GORASP2: variants seen among roughly 807,000 people sequenced by gnomAD.
The protein encoded by GORASP2 is Golgi reassembly-stacking protein 2.
Under a neutral mutation model 45.7 loss-of-function variants are expected in GORASP2, and 22 were observed. The observed-to-expected ratio is 0.48, with a 90% CI of 0.34 to 0.69. GORASP2 has a LOEUF of 0.69. Among genes scored for constraint, GORASP2 ranks in the 30% least tolerant of loss-of-function variants. The pLI is 0.01. For synonymous variants in GORASP2, 221 were observed against 215.6 expected, an observed-to-expected ratio of 1.02 and a Z score of -0.22; for missense variants, 491 against 562.7, an observed-to-expected ratio of 0.87 and a Z score of 1.29.
intron 1 of GORASP2, among the ~76,000 whole-genome samples, chr2:170,946,940 C>CA (rs1030353606): frequency 7.9e-5 from 12 of 151,904 alleles, no homozygotes; most frequent in Non-Finnish European, 1.5e-4. Flanking sequence ...ACTCTTGTCT[C>CA]AAAAAATAAA....
In GORASP2 at chr2:170,929,435, G is replaced by A. The variant is rs1575464610; in HGVS notation, c.63+32G>A. 4 of 1,344,644 alleles carry A rather than the reference G, an allele frequency of 3.0e-6. No individual in the cohort carries two copies. The East Asian group carries it at 9.1e-5, about 31-fold the overall frequency. The allele number at this position is 1,344,644 out of a possible 1,614,324, so 83.3% of individuals were successfully genotyped here. A position where few individuals can be genotyped will look rare whatever the true frequency, so the allele number is the denominator to read the frequency against. ...GCTCCGACGGCGGCCGGGGAGCTGC[G>A]GGCTGGAGGCGGGGCCGGCCGCGGG... On this transcript the variant is annotated intron_variant, in intron 1 of 9. Coordinates refer to ENST00000234160, the MANE Select transcript of GORASP2 (RefSeq NM_015530.5).
intron 1 of GORASP2, among the ~76,000 whole-genome samples, chr2:170,947,692 A>G (rs951222172): frequency 7.9e-5 from 12 of 152,148 alleles, no homozygotes; most frequent in Non-Finnish European, 1.6e-4. Context: ...TCAAGGAATA[A>G]TTGCTTGAAT....
Position 170,936,224 on chromosome 2 carries a change from C to CTTTTTT in GORASP2, c.63+6836_63+6841dup, listed in dbSNP as rs3079542. On this transcript the variant is annotated intron_variant, in intron 1 of 9. Coordinates refer to ENST00000234160, the MANE Select transcript of GORASP2 (RefSeq NM_015530.5). The stretch of plus-strand genomic sequence containing the variant: ...GTTTGATATGTGCTTTTGAAACTGA[C>CTTTTTT]TTTTTTTTTTTTTTTTTTTTGAAGC... 1.2e-4 allele frequency among the ~76,000 whole-genome samples: 14 copies of CTTTTTT among 119,004 alleles called. 3 individuals are homozygous for CTTTTTT. Among genetic ancestry groups the CTTTTTT allele is most frequent in the Non-Finnish European group, 2.1e-4 (13 of 60,500 alleles). The allele number at this position is 119,004 out of a possible 152,430, so 78.1% of individuals were successfully genotyped here. A position where few individuals can be genotyped will look rare whatever the true frequency, so the allele number is the denominator to read the frequency against.
intron 7 of GORASP2, 147 bp from the exon 8 acceptor site, chr2:170,961,516 G>T: frequency 1.5e-6 from 1 of 663,214 alleles, no homozygotes. Context: ...CGTAAAGGGT[G>T]ATGGACAGTC....
intron 7 of GORASP2, 62 bp downstream of exon 7, chr2:170,956,621 T>A: frequency 6.9e-7 from 1 of 1,443,614 alleles, no homozygotes; most frequent in Non-Finnish European, 9.4e-7. Context: ...CATAGAATTT[T>A]AAAAATTGAC....
chr2:170,929,601 G>A (rs541189752), intron 1 of GORASP2, 198 bp downstream of exon 1: 2 of 571,152 alleles, frequency 3.5e-6, no homozygotes, highest in Non-Finnish European at 6.3e-6. Flanking sequence ...CCTGGGCACG[G>A]GGTCCGCGGC....
chr2:170,929,455 C>A, intron 1 of GORASP2, 52 bp downstream of exon 1: 1 of 1,274,010 alleles, frequency 7.8e-7, no homozygotes, highest in Non-Finnish European at 1.0e-6. Context: ...CGGGGCCGGC[C>A]GCGGGGAGGC....
intron 3 of GORASP2, 111 bp downstream of exon 3, chr2:170,949,853 A>C: frequency 3.1e-6 from 3 of 958,314 alleles, no homozygotes; most frequent in Non-Finnish European, 4.9e-6. Context: ...ATTAATAGGC[A>C]ATTTTTGCCA....
intron 8 of GORASP2, 52 bp downstream of exon 8, chr2:170,961,801 T>TTA: frequency 1.1e-6 from 1 of 900,390 alleles, no homozygotes; most frequent in Non-Finnish European, 1.9e-6. Flanking sequence ...ATTACTGATA[T>TTA]TTGCATCTTA....
At chr2:170,939,889 G>A (rs2105314659) in intron 1 of GORASP2, among the ~76,000 whole-genome samples, 1 of 152,232 alleles carries the variant, frequency 6.6e-6, no homozygotes, top group South Asian at 2.1e-4. Context: ...TAGTGCATGA[G>A]GATTTATGTT....
intron 1 of GORASP2, among the ~76,000 whole-genome samples, chr2:170,933,614 AT>A (rs1381282725): frequency 6.6e-5 from 10 of 152,232 alleles, no homozygotes; most frequent in African/African-American, 2.4e-4. Context: ...TATTAGTGAC[AT>A]AGTTCACAAA....
Position 170,966,196 on chromosome 2 carries a change from C to T in GORASP2, c.*66C>T, listed in dbSNP as rs1178810370. On this transcript the variant is annotated 3_prime_UTR_variant, in exon 10 of 10. Coordinates refer to ENST00000234160, the MANE Select transcript of GORASP2 (RefSeq NM_015530.5). ...ACGGGAGCGTGTCTGGAAACGCAAA[C>T]TATCATTAATTTCATACTAGTTTGT... 1 of 1,108,376 alleles carries T rather than the reference C, an allele frequency of 9.0e-7. No homozygotes were observed. Among genetic ancestry groups the T allele is most frequent in the East Asian group, 2.4e-5 (1 of 42,414 alleles). 68.7% of individuals were successfully genotyped at this position (1,108,376 alleles called of 1,614,324 possible).
intron 1 of GORASP2, among the ~76,000 whole-genome samples, chr2:170,938,576 A>G (rs1035678479): frequency 3.9e-5 from 6 of 152,246 alleles, no homozygotes; most frequent in African/African-American, 1.2e-4. Context: ...GAAAGAGTCT[A>G]TGCAATTAAA....
Position 170,966,722 on chromosome 2 carries a change from T to C in GORASP2, c.*592T>C, listed in dbSNP as rs998406905. 1.9e-5 allele frequency: 3 copies of C among 154,604 alleles called. No homozygotes were observed. Among genetic ancestry groups the C allele is most frequent in the African/African-American group, 7.2e-5 (3 of 41,468 alleles). 9.6% of individuals were successfully genotyped at this position (154,604 alleles called of 1,614,324 possible). On this transcript the variant is annotated 3_prime_UTR_variant, in exon 10 of 10. Coordinates refer to ENST00000234160, the MANE Select transcript of GORASP2 (RefSeq NM_015530.5). ...TCTTCAGCCTATACGCGGATCCTTG[T>C]TTTGAGCTCTCAGAATCACTCAGAC...
chr2:170,934,645 T>G (rs1703905108), intron 1 of GORASP2, among the ~76,000 whole-genome samples: 3 of 152,140 alleles, frequency 2.0e-5, no homozygotes, highest in African/African-American at 7.2e-5. Flanking sequence ...GTAGGGTTAT[T>G]TGGTATTGTT....
chr2:170,929,840 CGGA>C (rs1388802984), intron 1 of GORASP2: 1 of 453,616 alleles, frequency 2.2e-6, no homozygotes, highest in Non-Finnish European at 4.6e-6. Flanking sequence ...ACCCGCAGTC[CGGA>C]GGCGGGGCCT....
At chr2:170,940,828 C>T (rs1403898607) in intron 1 of GORASP2, among the ~76,000 whole-genome samples, 1 of 151,976 alleles carries the variant, frequency 6.6e-6, no homozygotes, top group African/African-American at 2.4e-5. Flanking sequence ...GACAGATTTT[C>T]TATTGTGATA....
intron 5 of GORASP2, 167 bp from the exon 6 acceptor site, chr2:170,954,483 G>T (rs1481746067): frequency 1.7e-6 from 1 of 601,980 alleles, no homozygotes; most frequent in Non-Finnish European, 2.9e-6. Context: ...TTATCTAAAA[G>T]AATAGAAATT....
chr2:170,967,088 C>T lies in GORASP2; in HGVS notation c.*958C>T, dbSNP rs1485552125. 2.0e-5 allele frequency: 3 copies of T among 152,124 alleles called. No individual in the cohort carries two copies. Among genetic ancestry groups the T allele is most frequent in the Non-Finnish European group, 2.9e-5 (2 of 68,044 alleles). 9.4% of individuals were successfully genotyped at this position (152,124 alleles called of 1,614,324 possible). A position where few individuals can be genotyped will look rare whatever the true frequency, so the allele number is the denominator to read the frequency against. ...TGGTAAGTTAACTGGAATTGATTTA[C>T]TGAATGAAATTAAATGCAGATATCC... On this transcript the variant is annotated 3_prime_UTR_variant, in exon 10 of 10. Coordinates refer to ENST00000234160, the MANE Select transcript of GORASP2 (RefSeq NM_015530.5).
Sources: gnomAD v4.1 joint callset for allele counts (sites outside exome capture counted in the v4.1 genomes callset) on GRCh38, gnomAD v4.1.1 for gene constraint, MANE v1.5 for transcripts, NCBI Gene and HGNC (gene_info 2026-07-23, HGNC 2026-07-21) for gene names.